The following MGRN1 variants were observed in gnomAD, a reference collection of about 807,000 sequenced individuals.
MGRN1 encodes mahogunin ring finger 1, also known as E3 ubiquitin-protein ligase MGRN1.
MGRN1 carries 29 observed loss-of-function variants against 69.2 expected under a neutral mutation model. The ratio of observed to expected loss-of-function variants is 0.42; its 90% CI spans 0.31 to 0.57. The LOEUF (loss-of-function observed/expected upper bound fraction) is 0.57, where lower values mean the gene tolerates loss of function less well. MGRN1 is among the 20% of genes least tolerant of loss of function. MGRN1 has a pLI of 0.15. For synonymous variants in MGRN1, 470 were observed against 344.2 expected (o/e 1.37, Z -4.04); for missense variants, 998 against 796.2 (o/e 1.25, Z -3.05).
At chr16:4,683,354 T>C in intron 15 of MGRN1, 85 bp downstream of exon 15, 1 of 1,496,694 alleles carries the variant, frequency 6.7e-7, no homozygotes, top group African/African-American at 1.4e-5. Context: ...CCAGGTGGTG[T>C]TGGGCCAGCA....
chr16:4,683,356 G>T (rs747251289), intron 15 of MGRN1, 87 bp downstream of exon 15: 12 of 1,486,364 alleles, frequency 8.1e-6, no homozygotes, highest in Non-Finnish European at 1.1e-5. Flanking sequence ...AGGTGGTGTT[G>T]GGCCAGCACC....
At chr16:4,683,639 A>G (rs2079240814) in intron 15 of MGRN1, among the ~76,000 whole-genome samples, 1 of 151,176 alleles carries the variant, frequency 6.6e-6, no homozygotes, top group Non-Finnish European at 1.5e-5. Flanking sequence ...GGGGGATGGG[A>G]AGGAGGGAAA....
intron 4 of MGRN1, among the ~76,000 whole-genome samples, chr16:4,655,341 C>T (rs2078510043): frequency 1.3e-5 from 2 of 152,200 alleles, no homozygotes; most frequent in Admixed American, 1.3e-4. Context: ...AGAGGGTGCC[C>T]TGCCAGCCCT....
At chr16:4,630,400 C>G (rs1244256367) in intron 1 of MGRN1, among the ~76,000 whole-genome samples, 2 of 151,324 alleles carry the variant, frequency 1.3e-5, no homozygotes, top group African/African-American at 2.4e-5. Context: ...TTGCCTAGGT[C>G]AAGGTCACAA....
At chr16:4,660,067 G>A (rs559480483) in intron 5 of MGRN1, among the ~76,000 whole-genome samples, 7 of 152,370 alleles carry the variant, frequency 4.6e-5, no homozygotes, top group African/African-American at 1.7e-4. Flanking sequence ...GGGCTCAGAT[G>A]CTGGGCCAGG....
At chr16:4,683,962 G>A in intron 16 of MGRN1, 30 bp downstream of exon 16, 10 of 678,738 alleles carry the variant, frequency 1.5e-5, no homozygotes, top group East Asian at 3.5e-5. Flanking sequence ...GGGGTGAGGG[G>A]CTGGGTGCCT....
intron 5 of MGRN1, among the ~76,000 whole-genome samples, chr16:4,662,343 C>T (rs543381055): frequency 1.2e-4 from 18 of 152,038 alleles, no homozygotes; most frequent in Admixed American, 7.9e-4. Flanking sequence ...GGTGAAACCC[C>T]GTCTCTACTA....
At chr16:4,629,056 C>T (rs1021449242) in intron 1 of MGRN1, among the ~76,000 whole-genome samples, 2 of 151,912 alleles carry the variant, frequency 1.3e-5, no homozygotes, top group Non-Finnish European at 2.9e-5. Flanking sequence ...AGGCTGGTTT[C>T]GAACTCCCGA....
In MGRN1 at chr16:4,665,016, C is replaced by T. The variant is rs930936820; in HGVS notation, c.629-86C>T. 13 of 1,501,622 alleles carry T rather than the reference C, an allele frequency of 8.7e-6. No homozygotes were observed. The Middle Eastern group carries it at 8.8e-4, about 102-fold the overall frequency. 93.0% of individuals were successfully genotyped at this position (1,501,622 alleles called of 1,614,324 possible). A position where few individuals can be genotyped will look rare whatever the true frequency, so the allele number is the denominator to read the frequency against. ...CTCTGTGCAGGCTGAGCCCTCGGTG[C>T]CGCAGGCCTACCAGGGTCGGGGAGG... On this transcript the variant is annotated intron_variant, in intron 6 of 16. Coordinates refer to ENST00000262370, the MANE Select transcript of MGRN1 (RefSeq NM_015246.4).
chr16:4,654,722 G>A (rs1368989847), intron 4 of MGRN1, among the ~76,000 whole-genome samples: 1 of 152,244 alleles, frequency 6.6e-6, no homozygotes, highest in East Asian at 1.9e-4. Context: ...CCTGTGCACA[G>A]CCCCTCGCGT....
chr16:4,679,962 G>T, intron 11 of MGRN1, 70 bp from the exon 12 acceptor site: 1 of 1,445,468 alleles, frequency 6.9e-7, no homozygotes, highest in South Asian at 1.2e-5. Flanking sequence ...CAGCCAGTCA[G>T]ACCTGTCCAG....
intron 2 of MGRN1, chr16:4,651,024 A>C (rs956137942): frequency 6.6e-6 from 1 of 152,110 alleles, no homozygotes; most frequent in Non-Finnish European, 1.5e-5. Flanking sequence ...CAGGAGAATC[A>C]CTTGAATCTG....
chr16:4,647,479 T>G (rs1433572394), intron 1 of MGRN1, among the ~76,000 whole-genome samples: 1 of 152,232 alleles, frequency 6.6e-6, no homozygotes, highest in Non-Finnish European at 1.5e-5. Context: ...TCTTTTGATT[T>G]AAAACCACCA....
At chr16:4,650,684 A>G (rs924580307) in intron 2 of MGRN1, 1 of 446,062 alleles carries the variant, frequency 2.2e-6, no homozygotes, top group African/African-American at 2.0e-5. Context: ...CCTAGAGGCC[A>G]GATGGCCAGG....
chr16:4,674,253 GT>G (rs1470310099), intron 10 of MGRN1, among the ~76,000 whole-genome samples: 2 of 152,144 alleles, frequency 1.3e-5, no homozygotes, highest in Non-Finnish European at 2.9e-5. Flanking sequence ...CAAAGTGCTG[GT>G]GTTACAGGCA....
At chr16:4,664,648 A>T in intron 5 of MGRN1, 61 bp from the exon 6 acceptor site, 2 of 1,569,222 alleles carry the variant, frequency 1.3e-6, no homozygotes, top group Admixed American at 1.7e-5. Context: ...TTGTTGACCG[A>T]CTCCAGGCTT....
intron 5 of MGRN1, among the ~76,000 whole-genome samples, chr16:4,658,306 C>T (rs2078599942): frequency 1.3e-5 from 2 of 148,954 alleles, no homozygotes; most frequent in East Asian, 2.1e-4. Flanking sequence ...GAGGCCGAGG[C>T]AGGCGGATCA....
At chr16:4,671,289 T>G (rs765407407) in intron 8 of MGRN1, 102 bp from the exon 9 acceptor site, 1 of 1,140,194 alleles carries the variant, frequency 8.8e-7, no homozygotes, top group Non-Finnish European at 1.3e-6. Context: ...ACCCCTGGTA[T>G]GGAAGCCTGG....
At chr16:4,665,271 C>A in intron 7 of MGRN1, 120 bp downstream of exon 7, 2 of 1,069,832 alleles carry the variant, frequency 1.9e-6, no homozygotes, top group Non-Finnish European at 2.8e-6. Flanking sequence ...TGTCAAGGGC[C>A]CCGGGGCAGG....
Sources: allele counts gnomAD v4.1 joint callset (sites outside exome capture counted in the v4.1 genomes callset), GRCh38; gene constraint gnomAD v4.1.1; transcripts MANE v1.5; gene names NCBI Gene and HGNC (gene_info 2026-07-23, HGNC 2026-07-21).